Variants in B3GALT5 observed in about 807,000 individuals in gnomAD.
B3GALT5 encodes UDP-Gal:betaGlcNAc beta 1,3-galactosyltransferase, polypeptide 5.
For synonymous variants in B3GALT5, 156 were observed against 158.6 expected, an observed-to-expected ratio of 0.98 and a Z score of 0.12; for missense variants, 328 against 396.6, an observed-to-expected ratio of 0.83 and a Z score of 1.47.
At chr21:39,627,854 G>A (rs1191201454) in intron 1 of B3GALT5, among the ~76,000 whole-genome samples, 2 of 152,036 alleles carry the variant, frequency 1.3e-5, no homozygotes, top group Non-Finnish European at 2.9e-5. Flanking sequence ...AATAAGTGAC[G>A]TACAAGCACC....
chr21:39,618,728 CTG>C (rs1264385724), intron 1 of B3GALT5, among the ~76,000 whole-genome samples: 6 of 152,096 alleles, frequency 3.9e-5, no homozygotes, highest in Non-Finnish European at 7.4e-5. Context: ...TCTACTCCGT[CTG>C]TGTCTTGTAT....
chr21:39,630,702 C>T (rs1298419406), intron 1 of B3GALT5, among the ~76,000 whole-genome samples: 3 of 152,134 alleles, frequency 2.0e-5, no homozygotes, highest in Non-Finnish European at 4.4e-5. Flanking sequence ...AGTTTCCATG[C>T]ATTCACTGAA....
chr21:39,635,541 C>T (rs888355554), intron 1 of B3GALT5, among the ~76,000 whole-genome samples: 8 of 151,992 alleles, frequency 5.3e-5, no homozygotes, highest in Non-Finnish European at 8.8e-5. Flanking sequence ...TGCAATGGTG[C>T]GATCTCAGCT....
intron 1 of B3GALT5, among the ~76,000 whole-genome samples, chr21:39,623,536 G>T (rs1375229731): frequency 6.6e-6 from 1 of 151,786 alleles, no homozygotes; most frequent in Non-Finnish European, 1.5e-5. Context: ...CTATTTCTGT[G>T]TTTGAAAATA....
chr21:39,648,936 G>C (rs184433710), intron 2 of B3GALT5, among the ~76,000 whole-genome samples: 93 of 152,338 alleles, frequency 6.1e-4, no homozygotes, highest in Admixed American at 5.4e-3. Flanking sequence ...GAACCCGGCT[G>C]TGCTGGGACC....
chr21:39,633,521 G>A (rs1304151855), intron 1 of B3GALT5, among the ~76,000 whole-genome samples: 2 of 152,126 alleles, frequency 1.3e-5, no homozygotes, highest in Non-Finnish European at 1.5e-5. Context: ...TCTAAGGGGC[G>A]ATATTATAAT....
Position 39,659,904 on chromosome 21 carries a change from C to G in B3GALT5, c.-9C>G, listed in dbSNP as rs2079493024. 8.1e-6 allele frequency: 8 copies of G among 985,182 alleles called. No homozygotes were observed. The South Asian group carries it at 3.8e-4, about 46-fold the overall frequency. 61.0% of individuals were successfully genotyped at this position (985,182 alleles called of 1,614,324 possible). A position where few individuals can be genotyped will look rare whatever the true frequency, so the allele number is the denominator to read the frequency against. On this transcript the variant is annotated 5_prime_UTR_variant, in exon 3 of 4. Coordinates refer to ENST00000684187, the MANE Select transcript of B3GALT5 (RefSeq NM_001356336.2). ...TTTCAAACCAGAGGTTCCTCTTACC[C>G]AGCAAAAAGTGAGTTATACGCTTTC...
chr21:39,615,038 C>G (rs931830659), intron 1 of B3GALT5, among the ~76,000 whole-genome samples: 1 of 150,180 alleles, frequency 6.7e-6, no homozygotes, highest in African/African-American at 2.4e-5. Flanking sequence ...ACCCAAGCTT[C>G]GTGGCCCTGC....
chr21:39,649,990 A>C (rs2079379320), intron 2 of B3GALT5, among the ~76,000 whole-genome samples: 1 of 152,162 alleles, frequency 6.6e-6, no homozygotes, highest in Admixed American at 6.5e-5. Flanking sequence ...CTGCTGTGTC[A>C]GATCCCAGTT....
intron 1 of B3GALT5, among the ~76,000 whole-genome samples, chr21:39,614,121 T>A (rs535904210): frequency 1.1e-4 from 17 of 152,162 alleles, no homozygotes; most frequent in Admixed American, 2.6e-4. Flanking sequence ...CGGAGGGGCA[T>A]TTCTAGGTAA....
intron 1 of B3GALT5, among the ~76,000 whole-genome samples, chr21:39,639,394 CTTT>C (rs1569212332): frequency 0.037 from 3,387 of 91,900 alleles, 173 homozygotes; most frequent in Middle Eastern, 0.056. Context: ...TTCCTTCCTT[CTTT>C]CTTTTTCTTT....
intron 2 of B3GALT5, among the ~76,000 whole-genome samples, chr21:39,653,945 G>A (rs979355199): frequency 6.6e-6 from 1 of 152,112 alleles, no homozygotes; most frequent in Non-Finnish European, 1.5e-5. Context: ...ACTTTCCCTG[G>A]TCAAGGTACT....
At position 39,665,618 on chromosome 21, in the gene B3GALT5, G is replaced by T. The variant is rs2079571175; in HGVS notation, c.*4126G>T. 1 of 152,236 alleles carries T rather than the reference G, an allele frequency of 6.6e-6. No homozygotes were observed. Among genetic ancestry groups the T allele is most frequent in the Non-Finnish European group, 1.5e-5 (1 of 68,132 alleles). The allele number at this position is 152,236 out of a possible 1,614,324, so 9.4% of individuals were successfully genotyped here. ...TATGTGCCCATCCCCGTCAGCCTTG[G>T]CACTGGCTGTCCTCTCTGCTGGGAG... On this transcript the variant is annotated 3_prime_UTR_variant, in exon 4 of 4. Transcript: ENST00000684187.
intron 2 of B3GALT5, among the ~76,000 whole-genome samples, chr21:39,647,761 A>G (rs990796974): frequency 6.6e-6 from 1 of 152,194 alleles, no homozygotes; most frequent in Non-Finnish European, 1.5e-5. Flanking sequence ...CCTAGAGTCT[A>G]TGGCTTTACC....
At position 39,661,436 on chromosome 21, in the gene B3GALT5, T is replaced by C. The variant is rs139601001; in HGVS notation, c.877T>C (p.Leu293=). The C allele has an allele frequency of 3.5e-4, 538 of 1,535,050 alleles. No individual in the cohort carries two copies. In the African/African-American group the frequency reaches 3.7e-3, roughly 11 times the overall value. The part of the protein sequence containing the change: ...ACHFIKPRTL[L]DYWQALENSR... Reference sequence around the variant, plus strand: ...CCACTTCATCAAGCCTCGGACTCTCTTGGACTACTGGCAGGCTCTAGAGAA... The same window carrying C: ...CCACTTCATCAAGCCTCGGACTCTCCTGGACTACTGGCAGGCTCTAGAGAA... Residue 293 remains leucine (L), a synonymous_variant, in exon 4 of 4, where the codon TTG becomes CTG. Coordinates refer to ENST00000684187, the MANE Select transcript of B3GALT5 (RefSeq NM_001356336.2). This position sits in a 1 kb window ranked among gnomAD's most constrained non-coding sequence, Gnocchi z 4.7.
At chr21:39,614,934 C>T (rs568172279) in intron 1 of B3GALT5, among the ~76,000 whole-genome samples, 1 of 152,316 alleles carries the variant, frequency 6.6e-6, no homozygotes, top group East Asian at 1.9e-4. Flanking sequence ...AGCCTCTCTC[C>T]CCGGGTGACC....
At chr21:39,618,995 T>G (rs1371457441) in intron 1 of B3GALT5, among the ~76,000 whole-genome samples, 2 of 152,224 alleles carry the variant, frequency 1.3e-5, no homozygotes, top group Admixed American at 1.3e-4. Flanking sequence ...CAAATTCAAT[T>G]TTTTCAAATG....
chr21:39,627,167 C>T (rs959007150), intron 1 of B3GALT5, among the ~76,000 whole-genome samples: 2 of 152,088 alleles, frequency 1.3e-5, no homozygotes, highest in East Asian at 1.9e-4. Context: ...TTTGGAAGTT[C>T]GAGGCTTCTG....
At chr21:39,650,636 G>A in intron 2 of B3GALT5, among the ~76,000 whole-genome samples, 1 of 152,258 alleles carries the variant, frequency 6.6e-6, no homozygotes, top group East Asian at 1.9e-4. Context: ...AGATGCCAGC[G>A]CCTGGCTCGT....
Sources: gnomAD v4.1 joint callset for allele counts (sites outside exome capture counted in the v4.1 genomes callset) on GRCh38, gnomAD v4.1.1 for gene constraint, Gnocchi (gnomAD v3.1) non-coding constraint, MANE v1.5 for transcripts, NCBI Gene and HGNC (gene_info 2026-07-23, HGNC 2026-07-21) for gene names.